Variants in ROBO2 observed in about 807,000 individuals in gnomAD.
ROBO2 encodes the protein roundabout guidance receptor 2, also known as roundabout homolog 2.
Under a neutral mutation model 160.8 loss-of-function variants are expected in ROBO2, and 53 were observed. The ratio of observed to expected loss-of-function variants is 0.33; its 90% CI spans 0.26 to 0.41. The LOEUF is 0.41. Ranked by LOEUF, ROBO2 falls within the 10% of genes least tolerant of loss-of-function variation. The probability of loss-of-function intolerance (pLI) is 1.00; values close to 1 mark genes in which losing one functional copy is unlikely to be tolerated. For synonymous variants in ROBO2, 664 were observed against 611.7 expected (o/e 1.09, Z -1.26); for missense variants, 1,577 against 1,722.4 (o/e 0.92, Z 1.49).
At chr3:77,403,286 C>T (rs896218937) in intron 2 of ROBO2, among the ~76,000 whole-genome samples, 1 of 152,162 alleles carries the variant, frequency 6.6e-6, no homozygotes, top group Non-Finnish European at 1.5e-5. Flanking sequence ...ACTATGGTCA[C>T]TATACTGTAC....
At chr3:76,548,547 A>T (rs1266955743) in intron 2 of ROBO2, among the ~76,000 whole-genome samples, 1 of 152,152 alleles carries the variant, frequency 6.6e-6, no homozygotes, top group African/African-American at 2.4e-5. Context: ...GAAAGAAGAG[A>T]CTGAGAAGTA....
chr3:76,460,930 T>G (rs2078051225), intron 2 of ROBO2, among the ~76,000 whole-genome samples: 1 of 152,122 alleles, frequency 6.6e-6, no homozygotes, highest in South Asian at 2.1e-4. Context: ...TAAATAGAAC[T>G]ATGGAAAAGA....
At chr3:76,360,613 C>CT (rs982616510) in intron 2 of ROBO2, among the ~76,000 whole-genome samples, 12 of 151,972 alleles carry the variant, frequency 7.9e-5, no homozygotes, top group South Asian at 2.1e-4. Flanking sequence ...TTAACGAAGA[C>CT]TTTTTTTTCC....
intron 2 of ROBO2, among the ~76,000 whole-genome samples, chr3:76,897,279 C>CA (rs11371862): frequency 0.51 from 77,271 of 150,690 alleles, 19,987 homozygotes; most frequent in Non-Finnish European, 0.56. Context: ...CTGCTTTCAC[C>CA]AAAAAAAAAT....
chr3:76,816,881 A>G (rs958594140), intron 2 of ROBO2, among the ~76,000 whole-genome samples: 1 of 152,104 alleles, frequency 6.6e-6, no homozygotes, highest in Non-Finnish European at 1.5e-5. Context: ...ATGGAATACT[A>G]TGTAGCCATA....
At chr3:77,413,741 C>A (rs2076987543) in intron 2 of ROBO2, among the ~76,000 whole-genome samples, 1 of 152,120 alleles carries the variant, frequency 6.6e-6, no homozygotes, top group South Asian at 2.1e-4. Flanking sequence ...GAACGAGAGT[C>A]AAGGACGACT....
chr3:77,291,271 C>T (rs1458188916), intron 2 of ROBO2, among the ~76,000 whole-genome samples: 2 of 151,960 alleles, frequency 1.3e-5, no homozygotes, highest in Admixed American at 6.6e-5. Flanking sequence ...TAAGCTGAGG[C>T]TAGATCACCC....
intron 22 of ROBO2, 65 bp from the exon 24 acceptor site, chr3:77,622,162 A>G: frequency 7.0e-7 from 1 of 1,432,940 alleles, no homozygotes; most frequent in Non-Finnish European, 9.8e-7. Flanking sequence ...GCATTTAATT[A>G]AAATTATGAT....
chr3:75,926,576 A>C (rs192455281), intron 1 of ROBO2, among the ~76,000 whole-genome samples: 4 of 152,304 alleles, frequency 2.6e-5, no homozygotes, highest in Admixed American at 2.6e-4. Flanking sequence ...AATAGAATTC[A>C]TGTGCTCAGG....
intron 2 of ROBO2, among the ~76,000 whole-genome samples, chr3:76,118,804 G>T (rs2070590682): frequency 6.6e-6 from 1 of 152,086 alleles, no homozygotes; most frequent in Non-Finnish European, 1.5e-5. Context: ...AAATATTAGT[G>T]CTACTATTAT....
intron 1 of ROBO2, among the ~76,000 whole-genome samples, chr3:77,044,284 A>G (rs1198764668): frequency 1.3e-5 from 2 of 152,200 alleles, no homozygotes; most frequent in African/African-American, 4.8e-5. Flanking sequence ...ACATTGTATA[A>G]GTTGGGATAC....
chr3:76,056,481 C>T (rs73842922), intron 2 of ROBO2, among the ~76,000 whole-genome samples: 3,115 of 151,582 alleles, frequency 0.021, 45 homozygotes, highest in East Asian at 0.081. Context: ...ACTACATGTT[C>T]TAAAAGGGTC....
chr3:77,485,351 C>T (rs2085219793), intron 4 of ROBO2, among the ~76,000 whole-genome samples: 1 of 152,096 alleles, frequency 6.6e-6, no homozygotes, highest in African/African-American at 2.4e-5. Flanking sequence ...ACTCTAACAT[C>T]ATTTAGCATC....
chr3:77,437,872 A>G (rs2079464834), intron 2 of ROBO2, among the ~76,000 whole-genome samples: 1 of 152,040 alleles, frequency 6.6e-6, no homozygotes, highest in Non-Finnish European at 1.5e-5. Flanking sequence ...TAATATCCAG[A>G]TGCAAGAACT....
chr3:77,257,219 A>G (rs1180673047), intron 2 of ROBO2, among the ~76,000 whole-genome samples: 1 of 152,224 alleles, frequency 6.6e-6, no homozygotes, highest in East Asian at 1.9e-4. Context: ...AAAAAGCAGA[A>G]TGGGGCCAAA....
At chr3:77,098,151 G>A (rs1349796021) in exon 2 of ROBO2, 2 of 1,614,204 alleles carry the variant, frequency 1.2e-6, no homozygotes, top group African/African-American at 2.7e-5. Context: ...GTGGTACAAA[G>A]ATGGGGAGCG....
At chr3:76,179,066 A>C (rs148650261) in intron 2 of ROBO2, among the ~76,000 whole-genome samples, 1 of 152,168 alleles carries the variant, frequency 6.6e-6, no homozygotes, top group Non-Finnish European at 1.5e-5. Flanking sequence ...TATTTGCACT[A>C]TAAGTATTTG....
intron 2 of ROBO2, among the ~76,000 whole-genome samples, chr3:76,796,499 G>T (rs184869999): frequency 9.6e-6 from 1 of 103,836 alleles, no homozygotes; most frequent in Admixed American, 9.0e-5. Context: ...AAGGAAGGAA[G>T]GAAAGAAGGA....
chr3:77,278,201 GTAAATCTACT>G (rs1475564565), intron 2 of ROBO2, among the ~76,000 whole-genome samples: 1 of 152,176 alleles, frequency 6.6e-6, no homozygotes, highest in Non-Finnish European at 1.5e-5. Context: ...GAGAAGCCAT[GTAAATCTACT>G]TAAACAGCCA....
Sources: allele counts gnomAD v4.1 joint callset (sites outside exome capture counted in the v4.1 genomes callset), GRCh38; gene constraint gnomAD v4.1.1; transcripts MANE v1.5; gene names NCBI Gene and HGNC (gene_info 2026-07-23, HGNC 2026-07-21).